The following KIAA1217 variants were observed in gnomAD, a reference collection of about 807,000 sequenced individuals.
KIAA1217 encodes the protein sickle tail protein homolog.
KIAA1217 carries 88 observed loss-of-function variants against 163.9 expected under a neutral mutation model. The observed-to-expected ratio is 0.54, with a 90% CI of 0.45 to 0.64. KIAA1217 has a LOEUF of 0.64. Among genes scored for constraint, KIAA1217 ranks in the 30% least tolerant of loss-of-function variants. The pLI is 0.00. For synonymous variants in KIAA1217, 903 were observed against 923.1 expected, an observed-to-expected ratio of 0.98 and a Z score of 0.39; for missense variants, 2,372 against 2,475.0, an observed-to-expected ratio of 0.96 and a Z score of 0.88.
rs918174924 is a variant in KIAA1217 at position 24,076,026 on chromosome 10, A to G, written c.-171+68652A>G. Among the ~76,000 whole-genome samples the G allele has an allele frequency of 3.3e-5, 5 of 152,282 alleles. No homozygotes were observed. In the East Asian group the frequency reaches 7.7e-4, roughly 24 times the overall value. Reference sequence around the variant, plus strand: ...TGAGAATTTTTCTGTGATTCCAGGCATCTGGAGCCATTTTGCAAGAGGAAT... The same window carrying G: ...TGAGAATTTTTCTGTGATTCCAGGCGTCTGGAGCCATTTTGCAAGAGGAAT... On this transcript the variant is annotated intron_variant, in intron 2 of 18. Transcript: ENST00000376462.
intron 2 of KIAA1217, among the ~76,000 whole-genome samples, chr10:24,375,094 C>T (rs959336096): frequency 7.2e-5 from 11 of 152,232 alleles, no homozygotes; most frequent in African/African-American, 2.4e-4. Flanking sequence ...CCCCAGGGCT[C>T]GCTGTTCGAA....
intron 3 of KIAA1217, among the ~76,000 whole-genome samples, chr10:24,417,304 A>G (rs932115883): frequency 3.9e-5 from 6 of 152,178 alleles, no homozygotes; most frequent in Non-Finnish European, 5.9e-5. Flanking sequence ...GGCTGGCCGT[A>G]TTTCCAACTT....
chr10:23,967,779 G>A (rs1181234102), intron 1 of KIAA1217, among the ~76,000 whole-genome samples: 1 of 152,028 alleles, frequency 6.6e-6, no homozygotes, highest in Admixed American at 6.6e-5. Flanking sequence ...TATTGATATT[G>A]TTTAGAGGTG....
rs1564418392 is a variant in KIAA1217 at position 23,786,765 on chromosome 10, A to G, written c.-321+91531A>G. 2.6e-5 allele frequency among the ~76,000 whole-genome samples: 4 copies of G among 152,288 alleles called. No individual in the cohort carries two copies. The East Asian group carries it at 7.7e-4, about 29-fold the overall frequency. ...TAAACTCAGCAGGCTCAGGGAACCC[A>G]GAGAGCACACAGGAATGATACCACA... On this transcript the variant is annotated intron_variant, in intron 1 of 18. Coordinates refer to the KIAA1217 transcript ENST00000376462.
chr10:23,811,486 G>A (rs570425632), intron 1 of KIAA1217, among the ~76,000 whole-genome samples: 1 of 151,744 alleles, frequency 6.6e-6, no homozygotes, highest in East Asian at 1.9e-4. Flanking sequence ...ATTATATTAA[G>A]ATATGTTCAT....
Position 23,820,889 on chromosome 10 carries a change from G to A in KIAA1217, c.-321+125655G>A, listed in dbSNP as rs537681403. Among the ~76,000 whole-genome samples, 25 of 152,270 alleles carry A rather than the reference G, an allele frequency of 1.6e-4. No individual in the cohort carries two copies. In the South Asian group the frequency reaches 5.0e-3, roughly 30 times the overall value. ...TTTTAAAGATGAAGAGCAGAGAATGGCAAAATCATCGCTGTAAGAATGTGC... is the reference window on the plus strand; with the variant it reads ...TTTTAAAGATGAAGAGCAGAGAATGACAAAATCATCGCTGTAAGAATGTGC... On this transcript the variant is annotated intron_variant, in intron 1 of 18. Transcript: ENST00000376462.
chr10:24,349,494 A>C (rs753923192), intron 2 of KIAA1217, among the ~76,000 whole-genome samples: 3 of 152,156 alleles, frequency 2.0e-5, no homozygotes, highest in African/African-American at 7.2e-5. Context: ...TGGTTTTCCC[A>C]TTTTACAGAC....
chr10:24,390,577 G>A (rs1220069806), intron 3 of KIAA1217, among the ~76,000 whole-genome samples: 1 of 151,486 alleles, frequency 6.6e-6, no homozygotes, highest in Non-Finnish European at 1.5e-5. Flanking sequence ...GAGAGGGAGG[G>A]AGGGAAGGAA....
At chr10:23,805,996 CAAAAAAAAAAAAAAA>C (rs71397917) in intron 1 of KIAA1217, among the ~76,000 whole-genome samples, 5 of 30,512 alleles carry the variant, frequency 1.6e-4, no homozygotes, top group East Asian at 2.4e-3. Flanking sequence ...AACTCCATCT[CAAAAAAAAAAAAAAA>C]AAAAAAAAAA....
At chr10:24,339,683 C>T (rs1041181241) in intron 2 of KIAA1217, among the ~76,000 whole-genome samples, 4 of 152,214 alleles carry the variant, frequency 2.6e-5, no homozygotes, top group Admixed American at 6.5e-5. Flanking sequence ...ATAAGGGCTG[C>T]AGAGGTTGGT....
chr10:24,252,210 CA>C (rs2074633641), intron 2 of KIAA1217, among the ~76,000 whole-genome samples: 1 of 151,970 alleles, frequency 6.6e-6, no homozygotes, highest in South Asian at 2.1e-4. Context: ...TTCACCAACC[CA>C]CAAAAAGGCC....
intron 1 of KIAA1217, among the ~76,000 whole-genome samples, chr10:23,883,298 T>C (rs1841031954): frequency 6.6e-6 from 1 of 152,026 alleles, no homozygotes; most frequent in African/African-American, 2.4e-5. Flanking sequence ...GACTAGAGAA[T>C]CTCTCAGATT....
intron 3 of KIAA1217, among the ~76,000 whole-genome samples, chr10:24,402,788 T>C (rs2056736709): frequency 6.6e-6 from 1 of 152,206 alleles, no homozygotes; most frequent in Middle Eastern, 3.2e-3. Flanking sequence ...TCATCAAATG[T>C]GGTTTACAAA....
intron 2 of KIAA1217, among the ~76,000 whole-genome samples, chr10:24,345,724 A>AT (rs79572096): frequency 4.7e-4 from 72 of 151,924 alleles, no homozygotes; most frequent in African/African-American, 1.5e-3. Context: ...GGAGTTGGTG[A>AT]TTTTTTTTGG....
At chr10:23,864,603 C>A (rs1840102410) in intron 1 of KIAA1217, among the ~76,000 whole-genome samples, 1 of 151,082 alleles carries the variant, frequency 6.6e-6, no homozygotes, top group Non-Finnish European at 1.5e-5. Context: ...TGAATTTTTC[C>A]CGTATTTGTA....
chr10:24,333,863 T>G (rs1022912072), intron 2 of KIAA1217, among the ~76,000 whole-genome samples: 1 of 152,190 alleles, frequency 6.6e-6, no homozygotes, highest in Non-Finnish European at 1.5e-5. Context: ...TGTTGAGAGA[T>G]AAGTTATTAA....
intron 6 of KIAA1217, among the ~76,000 whole-genome samples, chr10:24,484,237 ATATATTTTTT>A (rs1275634171): frequency 4.9e-5 from 4 of 82,198 alleles, no homozygotes; most frequent in Non-Finnish European, 1.0e-4. Flanking sequence ...ATATATATAT[ATATATTTTTT>A]TTTTTTTTTT....
At position 24,005,295 on chromosome 10, in the gene KIAA1217, A is replaced by G. The variant is rs140764380; in HGVS notation, c.-320-1930A>G. On this transcript the variant is annotated intron_variant, in intron 1 of 18. Coordinates refer to the KIAA1217 transcript ENST00000376462. ...ACTCAATGTAAGCTAGTTATTGTCT[A>G]TATTATTTTATATACATTTTTCAAT... Among the ~76,000 whole-genome samples, 493 of 152,328 alleles carry G rather than the reference A, an allele frequency of 3.2e-3. 5 individuals are homozygous for G. Among genetic ancestry groups the G allele is most frequent in the East Asian group, 0.025 (128 of 5,182 alleles).
At position 24,219,784 on chromosome 10, in the gene KIAA1217, G is replaced by A. The variant is rs887457879; in HGVS notation, c.229G>A (p.Glu77Lys). The change falls in exon 2 of 21, where the codon GAA becomes AAA. Residue 77 changes from glutamate (E) to lysine (K), a missense_variant. By Grantham distance (56) the Glu-to-Lys change is moderately conservative. Transcript: ENST00000376454. The stretch of plus-strand genomic sequence containing the variant: ...CCTAGGGGGGCCCCGAAGTTCCAAG[G>A]AAATACTGGGAATGCAAACATCTGA... The part of the protein sequence containing the change: ...HTLGGPRSSK[E>K]ILGMQTSEMD... The A allele has an allele frequency of 1.2e-6, 2 of 1,613,826 alleles. No individual in the cohort carries two copies. Among genetic ancestry groups the A allele is most frequent in the East Asian group, 2.2e-5 (1 of 44,874 alleles).
Sources: allele counts gnomAD v4.1 joint callset (sites outside exome capture counted in the v4.1 genomes callset), GRCh38; gene constraint gnomAD v4.1.1; transcripts MANE v1.5; gene names NCBI Gene and HGNC (gene_info 2026-07-23, HGNC 2026-07-21).